The following STK25 variants were observed in gnomAD, a reference collection of about 807,000 sequenced individuals.
STK25 encodes the protein serine/threonine kinase 25, also known as serine/threonine-protein kinase 25.
In STK25, 29 loss-of-function variants were observed where a neutral mutation model predicts 53.8. The ratio of observed to expected loss-of-function variants is 0.54; its 90% CI spans 0.40 to 0.74. STK25 has a LOEUF of 0.74. Ranked by LOEUF, STK25 falls within the 30% of genes least tolerant of loss-of-function variation. STK25 has a pLI of 0.00. For missense variants in STK25, 420 were observed against 568.0 expected (o/e 0.74, Z 2.65); for synonymous variants, 247 against 238.3 (o/e 1.04, Z -0.33).
chr2:241,508,366 C>T (rs1286066464), intron 1 of STK25, 77 bp downstream of exon 1: 3 of 1,140,358 alleles, frequency 2.6e-6, no homozygotes, highest in Non-Finnish European at 1.1e-6. Context: ...GTGTCCCCGC[C>T]ACCGAGCCCC....
Position 241,499,316 on chromosome 2 carries a change from C to T in STK25, c.526G>A (p.Val176Met). Residue 176 changes from valine (V) to methionine (M), a missense_variant, in exon 6 of 12, where the codon GTG becomes ATG. Coordinates refer to ENST00000316586, the MANE Select transcript of STK25 (RefSeq NM_001271977.2). ...GGTGCCATCCAGAAGGGGGTGCCCA[C>T]GAATGTGTTCCTCTTAATCTGCGTG... The part of the protein sequence containing the change: ...TDTQIKRNTF[V>M]GTPFWMAPEV... 5 of 1,614,030 alleles carry T rather than the reference C, an allele frequency of 3.1e-6. No individual in the cohort carries two copies. The highest frequency in any genetic ancestry group is 2.5e-6 in the Non-Finnish European group (3 of 1,179,990).
chr2:241,497,468 C>G, intron 10 of STK25, 148 bp downstream of exon 10: 4 of 769,134 alleles, frequency 5.2e-6, no homozygotes, highest in Non-Finnish European at 8.9e-6. Flanking sequence ...TCTGCTCCTT[C>G]CACTCAGAAA....
At chr2:241,507,928 C>T (rs931346877) in intron 2 of STK25, 78 bp downstream of exon 2, 4 of 1,410,964 alleles carry the variant, frequency 2.8e-6, no homozygotes, top group Non-Finnish European at 3.9e-6. Context: ...CGGCGTGGCG[C>T]TCCCCTCTGA....
At chr2:241,504,182 C>A in intron 2 of STK25, 1 of 465,038 alleles carries the variant, frequency 2.2e-6, no homozygotes, top group Non-Finnish European at 4.5e-6. Context: ...CGGGGGTGTG[C>A]AGGTGGCCTC....
chr2:241,503,419 A>G (rs558065840), intron 2 of STK25, among the ~76,000 whole-genome samples: 2 of 151,618 alleles, frequency 1.3e-5, no homozygotes, highest in East Asian at 3.9e-4. Flanking sequence ...CAGAGCATAA[A>G]AAGGCAAAAC....
Position 241,493,141 on chromosome 2 carries a change from T to C in STK25, c.*2521A>G. 8.7e-7 allele frequency: 1 copy of C among 1,145,762 alleles called. No homozygotes were observed. Among genetic ancestry groups the C allele is most frequent in the East Asian group, 2.4e-5 (1 of 41,920 alleles). 71.0% of individuals were successfully genotyped at this position (1,145,762 alleles called of 1,614,324 possible). On this transcript the variant is annotated 3_prime_UTR_variant, in exon 12 of 12. Transcript: ENST00000316586. ...TATTTTGGTTCTGCCCTCCCATGCTTTGCCCACACACCCTGTGCTGTGTGA... is the reference window on the plus strand; with the variant it reads ...TATTTTGGTTCTGCCCTCCCATGCTCTGCCCACACACCCTGTGCTGTGTGA...
chr2:241,508,668 GC>G (rs930545496), upstream of STK25: 14 of 985,732 alleles, frequency 1.4e-5, no homozygotes, highest in Non-Finnish European at 1.6e-5. Context: ...CCCACTCCGG[GC>G]CCGGAAGCCT....
intron 11 of STK25, 53 bp from the exon 12 acceptor site, chr2:241,495,754 C>T (rs2065112631): frequency 3.7e-6 from 6 of 1,606,506 alleles, no homozygotes; most frequent in Non-Finnish European, 5.1e-6. Flanking sequence ...GCCCAGGCTC[C>T]TGACGGCCTC....
chr2:241,499,118 T>G lies in STK25; in HGVS notation c.642A>C (p.Pro214=). The G allele has an allele frequency of 6.2e-7, 1 of 1,613,958 alleles. No homozygotes were observed. The highest frequency in any genetic ancestry group is 8.5e-7 in the Non-Finnish European group (1 of 1,179,934). ...CGCGCATGGGGTGGAGGTCAGAGTT[T>G]GGAGGCTCCCCCTTGGCCAGCTCGA... ...TAIELAKGEP[P]NSDLHPMRVL... The change falls in exon 7 of 12, where the codon CCA becomes CCC. Residue 214 remains proline (P), a synonymous_variant. Coordinates refer to ENST00000316586, the MANE Select transcript of STK25 (RefSeq NM_001271977.2).
At position 241,493,246 on chromosome 2, in the gene STK25, TG is replaced by T; in HGVS notation, c.*2415del. The T allele has an allele frequency of 6.3e-7, 1 of 1,599,186 alleles. No homozygotes were observed. Among genetic ancestry groups the T allele is most frequent in the Non-Finnish European group, 8.6e-7 (1 of 1,169,292 alleles). On this transcript the variant is annotated 3_prime_UTR_variant, in exon 12 of 12. Transcript: ENST00000316586. ...AGGTAGCAGAGGAATGGGCATTCCC[TG>T]TGGCAACCCAGCCCCTGGAACCCGT...
chr2:241,493,585 C>A lies in STK25; in HGVS notation c.*2077G>T. The A allele has an allele frequency of 4.2e-6, 3 of 709,070 alleles. No individual in the cohort carries two copies. The highest frequency in any genetic ancestry group is 7.0e-6 in the Non-Finnish European group (3 of 429,842). 43.9% of individuals were successfully genotyped at this position (709,070 alleles called of 1,614,324 possible). A position where few individuals can be genotyped will look rare whatever the true frequency, so the allele number is the denominator to read the frequency against. On this transcript the variant is annotated 3_prime_UTR_variant, in exon 12 of 12. Coordinates refer to ENST00000316586, the MANE Select transcript of STK25 (RefSeq NM_001271977.2). ...CAATGCTTCCAGCATTTCCAAAAAA[C>A]AGCAATGCTTTGTTTTTTTTTTTTT...
At chr2:241,497,726 C>A in intron 9 of STK25, 39 bp from the exon 10 acceptor site, 1 of 1,598,000 alleles carries the variant, frequency 6.3e-7, no homozygotes, top group African/African-American at 1.3e-5. Context: ...CAGGGCAGTG[C>A]AGGTGACAGG....
rs1559847234 is a variant in STK25 at position 241,507,882 on chromosome 2, C to T, written c.30+124G>A. 8.8e-6 allele frequency: 9 copies of T among 1,022,262 alleles called. No individual in the cohort carries two copies. The Admixed American group carries it at 1.4e-4, about 16-fold the overall frequency. The allele number at this position is 1,022,262 out of a possible 1,614,324, so 63.3% of individuals were successfully genotyped here. On this transcript the variant is annotated intron_variant, in intron 2 of 11. Transcript: ENST00000316586. ...CCTCAGGACGGCTCCGCTGGTCGCA[C>T]GACGCGCGCTCCTTCCCTCACCCCA... is the stretch of plus-strand genomic sequence containing the variant.
rs200593123 is a variant in STK25 at position 241,501,665 on chromosome 2, C to G, written c.74G>C (p.Arg25Pro). The G allele has an allele frequency of 6.2e-7, 1 of 1,614,000 alleles. No individual in the cohort carries two copies. The highest frequency in any genetic ancestry group is 8.5e-7 in the Non-Finnish European group (1 of 1,180,000). The change falls in exon 3 of 12, where the codon CGC becomes CCC. Residue 25 changes from arginine (R) to proline (P), a missense_variant. Transcript: ENST00000316586. The surrounding 1 kb of genome is among the most constrained non-coding windows in gnomAD (Gnocchi z 5.3). ...CTCCCCAAACGAGCCCTTGCCAATGCGGTCGAGCTTGGTGAAGAGCTCCTC... is the reference window on the plus strand; with the variant it reads ...CTCCCCAAACGAGCCCTTGCCAATGGGGTCGAGCTTGGTGAAGAGCTCCTC... ...DPEELFTKLD[R>P]IGKGSFGEVY...
chr2:241,504,711 C>A (rs4633921), intron 2 of STK25, among the ~76,000 whole-genome samples: 38,899 of 151,826 alleles, frequency 0.26, 5,828 homozygotes, highest in East Asian at 0.67. Flanking sequence ...AGTAGCTGGG[C>A]CCACAAGTGC....
At chr2:241,500,001 G>GT in intron 5 of STK25, 172 bp downstream of exon 5, 1 of 700,510 alleles carries the variant, frequency 1.4e-6, no homozygotes, top group Non-Finnish European at 2.6e-6. Context: ...GTTACAAGTA[G>GT]TATCTTCTGG....
intron 8 of STK25, 53 bp from the exon 9 acceptor site, chr2:241,498,402 G>C: frequency 6.8e-7 from 1 of 1,474,118 alleles, no homozygotes; most frequent in Non-Finnish European, 9.3e-7. Context: ...CAGGAGGCAT[G>C]AGGGCCTCAG....
In STK25 at chr2:241,496,261, G is replaced by T; in HGVS notation, c.1241+137C>A. ...GTCCAAACAAGGAAGAGGATGCCAC[G>T]CCGCGCCTTCCCAGAGTGAAGCGAG... On this transcript the variant is annotated intron_variant, in intron 11 of 11. Transcript: ENST00000316586. This position sits in a 1 kb window ranked among gnomAD's most constrained non-coding sequence, Gnocchi z 5.8. 9.3e-7 allele frequency: 1 copy of T among 1,071,620 alleles called. No individual in the cohort carries two copies. Among genetic ancestry groups the T allele is most frequent in the Non-Finnish European group, 1.4e-6 (1 of 734,426 alleles). The allele number at this position is 1,071,620 out of a possible 1,614,324, so 66.4% of individuals were successfully genotyped here. A position where few individuals can be genotyped will look rare whatever the true frequency, so the allele number is the denominator to read the frequency against.
rs766921262 is a variant in STK25, at chr2:241,498,797, A to G, written c.772-13T>C. On this transcript the variant is annotated splice_polypyrimidine_tract_variant and intron_variant, in intron 7 of 11. Transcript: ENST00000316586. ...TGGCCGTGGGCCGCTGCAGGGGGTCAGGGGAACACTAGTCACTGGGCCCAG... is the reference window on the plus strand; with the variant it reads ...TGGCCGTGGGCCGCTGCAGGGGGTCGGGGGAACACTAGTCACTGGGCCCAG... 6.2e-7 allele frequency: 1 copy of G among 1,613,522 alleles called. No individual in the cohort carries two copies. Among genetic ancestry groups the G allele is most frequent in the South Asian group, 1.1e-5 (1 of 91,074 alleles).
Sources: allele counts gnomAD v4.1 joint callset (sites outside exome capture counted in the v4.1 genomes callset), GRCh38; gene constraint gnomAD v4.1.1; non-coding constraint Gnocchi (gnomAD v3.1); transcripts MANE v1.5; gene names NCBI Gene and HGNC (gene_info 2026-07-23, HGNC 2026-07-21).